ADGRL3: variants seen among roughly 807,000 people sequenced by gnomAD.
ADGRL3 encodes adhesion G protein-coupled receptor L3.
Under a neutral mutation model 153.5 loss-of-function variants are expected in ADGRL3, and 62 were observed. That is an observed-to-expected ratio of 0.40 (90% CI 0.33 to 0.50). The LOEUF is 0.50. ADGRL3 is among the 20% of genes least tolerant of loss of function. The pLI is 0.47. For missense variants in ADGRL3, 1,641 were observed against 1,859.4 expected, an observed-to-expected ratio of 0.88 and a Z score of 2.16; for synonymous variants, 710 against 672.5, an observed-to-expected ratio of 1.06 and a Z score of -0.86.
At chr4:61,380,591 A>C (rs2096655491) in intron 1 of ADGRL3, among the ~76,000 whole-genome samples, 1 of 152,048 alleles carries the variant, frequency 6.6e-6, no homozygotes, top group Non-Finnish European at 1.5e-5. Context: ...AAAGCAATCT[A>C]GTACTCAAAC....
At chr4:61,834,133 C>T (rs959349681) in intron 9 of ADGRL3, among the ~76,000 whole-genome samples, 15 of 146,342 alleles carry the variant, frequency 1.0e-4, no homozygotes, top group African/African-American at 3.6e-4. Context: ...CACAACAGGC[C>T]CTGGTGTGTG....
In ADGRL3 at chr4:62,003,915, C is replaced by T. The variant is rs1037767703; in HGVS notation, c.3395+5650C>T. On this transcript the variant is annotated intron_variant, in intron 21 of 26. Coordinates refer to ENST00000683033, the MANE Select transcript of ADGRL3 (RefSeq NM_001387552.1). ...TAGTATCCTCAGTGAGCTTGGACACCTGCCATATGCTAAGAAATCTAAGAA... is the reference window on the plus strand; with the variant it reads ...TAGTATCCTCAGTGAGCTTGGACACTTGCCATATGCTAAGAAATCTAAGAA... 1.5e-4 allele frequency among the ~76,000 whole-genome samples: 23 copies of T among 152,152 alleles called. 2 individuals carry two copies. In the East Asian group the frequency reaches 1.5e-3, roughly 10 times the overall value.
intron 9 of ADGRL3, among the ~76,000 whole-genome samples, chr4:61,832,592 G>A (rs1411895568): frequency 2.6e-5 from 4 of 152,090 alleles, no homozygotes; most frequent in Admixed American, 2.6e-4. Context: ...CATATTGTGG[G>A]GAATTATTTT....
At chr4:61,983,214 T>C (rs1475717620) in intron 18 of ADGRL3, among the ~76,000 whole-genome samples, 169 bp from the exon 19 acceptor site, 3 of 152,220 alleles carry the variant, frequency 2.0e-5, no homozygotes, top group Non-Finnish European at 2.9e-5. Flanking sequence ...AGATAGATTA[T>C]ATTTAAGTAT....
chr4:61,601,891 A>C (rs978503069), intron 5 of ADGRL3, among the ~76,000 whole-genome samples: 1 of 152,122 alleles, frequency 6.6e-6, no homozygotes, highest in Non-Finnish European at 1.5e-5. Flanking sequence ...TCCATCATCC[A>C]TGTGTCTTAA....
intron 9 of ADGRL3, among the ~76,000 whole-genome samples, chr4:61,848,585 G>T (rs981951907): frequency 1.3e-5 from 2 of 152,018 alleles, no homozygotes; most frequent in African/African-American, 4.8e-5. Context: ...CACATTCACA[G>T]GTACCAGGGG....
intron 8 of ADGRL3, among the ~76,000 whole-genome samples, chr4:61,769,065 C>T (rs2097047062): frequency 6.7e-6 from 1 of 149,048 alleles, no homozygotes; most frequent in African/African-American, 2.5e-5. Flanking sequence ...GTACTTGCCC[C>T]TGCCCCAGGA....
At chr4:61,791,916 A>T (rs1342530962) in intron 8 of ADGRL3, among the ~76,000 whole-genome samples, 1 of 152,020 alleles carries the variant, frequency 6.6e-6, no homozygotes, top group Admixed American at 6.6e-5. Context: ...TACCAAGAGG[A>T]GGGGAACCCT....
At chr4:61,671,057 C>T (rs935209467) in intron 5 of ADGRL3, among the ~76,000 whole-genome samples, 1 of 152,144 alleles carries the variant, frequency 6.6e-6, no homozygotes, top group Non-Finnish European at 1.5e-5. Context: ...CATTGTCCCC[C>T]TTCTGAGACT....
intron 4 of ADGRL3, among the ~76,000 whole-genome samples, chr4:61,540,111 A>G (rs2098681101): frequency 6.6e-6 from 1 of 152,206 alleles, no homozygotes; most frequent in Non-Finnish European, 1.5e-5. Context: ...TGTAAGTACC[A>G]CTACTACCCC....
At chr4:61,727,162 A>G (rs1006973975) in intron 6 of ADGRL3, among the ~76,000 whole-genome samples, 2 of 152,116 alleles carry the variant, frequency 1.3e-5, no homozygotes, top group African/African-American at 4.8e-5. Context: ...TATATATTAT[A>G]TGTATTTTAT....
intron 2 of ADGRL3, among the ~76,000 whole-genome samples, chr4:61,411,672 AC>A (rs10708587): frequency 0.031 from 4,707 of 152,286 alleles, 225 homozygotes; most frequent in East Asian, 0.21. Context: ...CAGAAAAATT[AC>A]CAGTTCTCTT....
intron 13 of ADGRL3, among the ~76,000 whole-genome samples, chr4:61,930,083 G>A (rs1023962681): frequency 5.3e-5 from 8 of 151,888 alleles, no homozygotes; most frequent in Non-Finnish European, 1.0e-4. Context: ...GGTTGAGGCA[G>A]GAGAATGGCA....
At chr4:61,362,851 A>G (rs998105131) in intron 1 of ADGRL3, among the ~76,000 whole-genome samples, 2 of 152,146 alleles carry the variant, frequency 1.3e-5, no homozygotes, top group Non-Finnish European at 2.9e-5. Context: ...TCATATAAAT[A>G]TATATGATTT....
intron 8 of ADGRL3, among the ~76,000 whole-genome samples, chr4:61,758,221 G>A (rs2096862644): frequency 6.6e-6 from 1 of 152,070 alleles, no homozygotes; most frequent in Non-Finnish European, 1.5e-5. Flanking sequence ...ATATCCCTGA[G>A]TTCAATTCCT....
At chr4:61,365,143 C>G (rs907350435) in intron 1 of ADGRL3, among the ~76,000 whole-genome samples, 1 of 152,050 alleles carries the variant, frequency 6.6e-6, no homozygotes, top group Non-Finnish European at 1.5e-5. Context: ...CAGATACATA[C>G]TGCCCAGACA....
rs910703654 is a variant in ADGRL3 at position 61,834,351 on chromosome 4, A to G, written c.1480+20462A>G. Among the ~76,000 whole-genome samples, 64 of 151,970 alleles carry G rather than the reference A, an allele frequency of 4.2e-4. 1 individual carries two copies. Among genetic ancestry groups the G allele is most frequent in the African/African-American group, 1.4e-3 (60 of 41,444 alleles). The stretch of plus-strand genomic sequence containing the variant: ...GTATGTGCCACATTTTCTTAATCCA[A>G]TCTATCATTGTTGGACATTTGGGTT... On this transcript the variant is annotated intron_variant, in intron 9 of 26. Coordinates refer to ENST00000683033, the MANE Select transcript of ADGRL3 (RefSeq NM_001387552.1).
At chr4:61,881,493 C>T (rs2098508243) in intron 9 of ADGRL3, among the ~76,000 whole-genome samples, 1 of 152,214 alleles carries the variant, frequency 6.6e-6, no homozygotes, top group South Asian at 2.1e-4. Context: ...ATTCTCCTGA[C>T]TCAGCCTCCC....
At chr4:61,635,686 C>T (rs1008752052) in intron 5 of ADGRL3, among the ~76,000 whole-genome samples, 1 of 152,058 alleles carries the variant, frequency 6.6e-6, no homozygotes, top group Non-Finnish European at 1.5e-5. Flanking sequence ...GCTGCCATAA[C>T]CAAGAACCTC....
Sources: gnomAD v4.1 joint callset for allele counts (sites outside exome capture counted in the v4.1 genomes callset) on GRCh38, gnomAD v4.1.1 for gene constraint, MANE v1.5 for transcripts, NCBI Gene and HGNC (gene_info 2026-07-23, HGNC 2026-07-21) for gene names.